SHANK2: variants seen among roughly 807,000 people sequenced by gnomAD.
SHANK2 encodes SH3 and multiple ankyrin repeat domains 2.
A neutral mutation model predicts 133.7 loss-of-function variants in SHANK2; 43 were observed. The observed-to-expected ratio is 0.32, with a 90% CI of 0.25 to 0.41. SHANK2 has a LOEUF of 0.41. SHANK2 is among the 10% of genes least tolerant of loss of function. The probability of loss-of-function intolerance (pLI) is 1.00; values close to 1 mark genes in which losing one functional copy is unlikely to be tolerated. For missense variants in SHANK2, 1,994 were observed against 2,235.8 expected (o/e 0.89, Z 2.18); for synonymous variants, 1,017 against 952.8 (o/e 1.07, Z -1.24).
At chr11:70,522,561 C>G (rs2059343779) in intron 17 of SHANK2, among the ~76,000 whole-genome samples, 1 of 152,228 alleles carries the variant, frequency 6.6e-6, no homozygotes, top group Admixed American at 6.5e-5. Context: ...TCTGGTGGTA[C>G]CCCCTCTATC....
At position 70,683,337 on chromosome 11, in the gene SHANK2, C is replaced by T. The variant is rs961069699; in HGVS notation, c.1853+15351G>A. Among the ~76,000 whole-genome samples the T allele has an allele frequency of 2.6e-5, 4 of 152,126 alleles. No homozygotes were observed. The South Asian group carries it at 8.3e-4, about 32-fold the overall frequency. On this transcript the variant is annotated intron_variant, in intron 15 of 25. Transcript: ENST00000601538. ...GGCCAGCTCTCACCTCAGCGAGCTC[C>T]ACTCTGCCGTTTCTGTGTAATTCAG...
At chr11:71,065,987 G>A (rs1951051434) in intron 9 of SHANK2, among the ~76,000 whole-genome samples, 1 of 32,254 alleles carries the variant, frequency 3.1e-5, no homozygotes, top group Admixed American at 3.5e-4. Flanking sequence ...GGGAAGTTGG[G>A]AGGGGAGTAC....
Position 70,830,912 on chromosome 11 carries a change from T to G in SHANK2, c.1175-10230A>C, listed in dbSNP as rs1446435042. 6.6e-6 allele frequency among the ~76,000 whole-genome samples: 1 copy of G among 152,194 alleles called. No individual in the cohort carries two copies. The highest frequency in any genetic ancestry group is 1.5e-5 in the Non-Finnish European group (1 of 68,032). On this transcript the variant is annotated intron_variant, in intron 11 of 25. Coordinates refer to ENST00000601538, the MANE Select transcript of SHANK2 (RefSeq NM_012309.5). This position sits in a 1 kb window ranked among gnomAD's most constrained non-coding sequence, Gnocchi z 4.4. The stretch of plus-strand genomic sequence containing the variant: ...GGAGCCCAAATGCCCACAGCATGGC[T>G]GAGCACTCCCTTCCTTCTGCCTTTA...
intron 17 of SHANK2, among the ~76,000 whole-genome samples, chr11:70,627,827 G>A (rs2060924788): frequency 6.6e-6 from 1 of 152,182 alleles, no homozygotes; most frequent in African/African-American, 2.4e-5. Flanking sequence ...TATACCTGTG[G>A]CATCATGTTG....
intron 10 of SHANK2, among the ~76,000 whole-genome samples, chr11:70,919,315 A>G (rs1950314999): frequency 6.6e-6 from 1 of 151,856 alleles, no homozygotes; most frequent in Non-Finnish European, 1.5e-5. Flanking sequence ...TCAAGTATAC[A>G]ATGCATTGTT....
intron 15 of SHANK2, among the ~76,000 whole-genome samples, chr11:70,676,307 G>A (rs1944904816): frequency 6.6e-6 from 1 of 152,250 alleles, no homozygotes; most frequent in South Asian, 2.1e-4. Flanking sequence ...CTATGGAATA[G>A]TTTTGGCCAA....
chr11:70,561,126 T>C (rs1390007542), intron 17 of SHANK2, among the ~76,000 whole-genome samples: 3 of 152,184 alleles, frequency 2.0e-5, no homozygotes, highest in African/African-American at 7.2e-5. Context: ...GTGTGTCTTC[T>C]CTTTTCTCCT....
intron 4 of SHANK2, among the ~76,000 whole-genome samples, chr11:71,117,424 T>C (rs1193668389): frequency 6.6e-6 from 1 of 152,194 alleles, no homozygotes; most frequent in African/African-American, 2.4e-5. Context: ...CCTAAAACCT[T>C]TGTACTGTCC....
intron 15 of SHANK2, among the ~76,000 whole-genome samples, chr11:70,683,223 C>G (rs1390366469): frequency 2.0e-5 from 3 of 152,078 alleles, no homozygotes; most frequent in African/African-American, 7.2e-5. Flanking sequence ...AGCAATCCTC[C>G]CACCTTGGCC....
intron 17 of SHANK2, among the ~76,000 whole-genome samples, chr11:70,556,296 G>A (rs1474933525): frequency 6.6e-6 from 1 of 152,172 alleles, no homozygotes; most frequent in African/African-American, 2.4e-5. Flanking sequence ...CCTACTGAAG[G>A]ACATCCAGGC....
intron 10 of SHANK2, chr11:70,911,060 C>T (rs2135723495): frequency 2.2e-6 from 1 of 457,038 alleles, no homozygotes; most frequent in Non-Finnish European, 4.4e-6. Flanking sequence ...AGAAGATCGG[C>T]ATTCACCCCC....
intron 15 of SHANK2, chr11:70,662,015 G>A (rs376828494): frequency 5.3e-6 from 3 of 566,914 alleles, no homozygotes; most frequent in Admixed American, 3.0e-5. Flanking sequence ...CGCCGCCCAG[G>A]GCAAAGAAAG....
Position 70,805,501 on chromosome 11 carries a change from G to T in SHANK2, c.1663+1501C>A, listed in dbSNP as rs537336925. Among the ~76,000 whole-genome samples, 4 of 152,312 alleles carry T rather than the reference G, an allele frequency of 2.6e-5. No individual in the cohort carries two copies. In the South Asian group the frequency reaches 6.2e-4, roughly 24 times the overall value. On this transcript the variant is annotated intron_variant, in intron 13 of 25. Coordinates refer to ENST00000601538, the MANE Select transcript of SHANK2 (RefSeq NM_012309.5). The stretch of plus-strand genomic sequence containing the variant: ...GGCCCCTCTTGCTCCCCCACTGCGG[G>T]GCCTTAACATCCTTGTCACCCGACA...
At chr11:71,098,198 C>T (rs1309697776) in intron 6 of SHANK2, among the ~76,000 whole-genome samples, 8 of 148,272 alleles carry the variant, frequency 5.4e-5, no homozygotes, top group African/African-American at 2.0e-4. Flanking sequence ...TGTATGTGTA[C>T]ATGCCTGTGC....
At chr11:70,865,328 A>G (rs1201844988) in intron 11 of SHANK2, among the ~76,000 whole-genome samples, 1 of 152,070 alleles carries the variant, frequency 6.6e-6, no homozygotes, top group Non-Finnish European at 1.5e-5. Flanking sequence ...TCTAGAGAAA[A>G]GCAAAGATGC....
chr11:70,537,314 A>G (rs1295575966), intron 17 of SHANK2, among the ~76,000 whole-genome samples: 2 of 152,264 alleles, frequency 1.3e-5, no homozygotes, highest in African/African-American at 4.8e-5. Context: ...GAACCTGTGA[A>G]TATGACTTTA....
At chr11:70,832,629 C>T (rs941309896) in intron 11 of SHANK2, among the ~76,000 whole-genome samples, 5 of 152,196 alleles carry the variant, frequency 3.3e-5, no homozygotes, top group Non-Finnish European at 7.3e-5. Flanking sequence ...TGTTCCAGAG[C>T]ACTTTACTAG....
chr11:70,585,343 G>C (rs1366031248), intron 17 of SHANK2, among the ~76,000 whole-genome samples: 2 of 152,172 alleles, frequency 1.3e-5, no homozygotes, highest in African/African-American at 4.8e-5. Flanking sequence ...AGTGACAATA[G>C]AACAGACTGG....
chr11:71,090,947 G>A (rs1565444882), intron 8 of SHANK2, among the ~76,000 whole-genome samples: 1 of 152,112 alleles, frequency 6.6e-6, no homozygotes, highest in Non-Finnish European at 1.5e-5. Context: ...CCACATCATG[G>A]AGGGTCATCG....
Sources: gnomAD v4.1 joint callset for allele counts (sites outside exome capture counted in the v4.1 genomes callset) on GRCh38, gnomAD v4.1.1 for gene constraint, Gnocchi (gnomAD v3.1) non-coding constraint, MANE v1.5 for transcripts, NCBI Gene and HGNC (gene_info 2026-07-23, HGNC 2026-07-21) for gene names.